TTC17: variants seen among roughly 807,000 people sequenced by gnomAD.
The protein encoded by TTC17 is tetratricopeptide repeat protein 17.
TTC17 carries 58 observed loss-of-function variants against 143.8 expected under a neutral mutation model. The observed-to-expected ratio is 0.40, with a 90% CI of 0.33 to 0.50. The LOEUF is 0.50. TTC17 is among the 20% of genes least tolerant of loss of function. TTC17 has a pLI of 0.49. For missense variants in TTC17, 1,273 were observed against 1,392.5 expected (o/e 0.91, Z 1.37); for synonymous variants, 501 against 497.8 (o/e 1.01, Z -0.09).
chr11:43,373,189 A>G (rs1243659036), intron 1 of TTC17, among the ~76,000 whole-genome samples: 1 of 152,168 alleles, frequency 6.6e-6, no homozygotes, highest in Admixed American at 6.5e-5. Context: ...ATTCTAAAAA[A>G]GATTTTCTTA....
At chr11:43,370,269 C>G in intron 1 of TTC17, 1 of 297,464 alleles carries the variant, frequency 3.4e-6, no homozygotes, top group Non-Finnish European at 6.7e-6. Context: ...CTGTGAAACT[C>G]ATCTTGCTTG....
intron 5 of TTC17, chr11:43,395,446 A>G (rs1422511613): frequency 6.6e-6 from 1 of 152,202 alleles, no homozygotes; most frequent in African/African-American, 2.4e-5. Context: ...TTACATTATA[A>G]TGTGAAAATA....
chr11:43,403,539 T>G (rs931470109), intron 10 of TTC17, among the ~76,000 whole-genome samples: 2 of 152,166 alleles, frequency 1.3e-5, no homozygotes, highest in Admixed American at 1.3e-4. Context: ...TGTAATTGAT[T>G]GCACAACAGT....
intron 21 of TTC17, among the ~76,000 whole-genome samples, chr11:43,483,667 A>G (rs190918458): frequency 1.0e-3 from 153 of 152,326 alleles, no homozygotes; most frequent in African/African-American, 3.5e-3. Flanking sequence ...ACCCATTTAT[A>G]ATGTAAAACT....
At position 43,405,788 on chromosome 11, in the gene TTC17, T is replaced by C; in HGVS notation, c.1598T>C (p.Ile533Thr). The C allele has an allele frequency of 6.2e-7, 1 of 1,613,544 alleles. No individual in the cohort carries two copies. Among genetic ancestry groups the C allele is most frequent in the South Asian group, 1.1e-5 (1 of 90,966 alleles). Reference sequence around the variant, plus strand: ...CTTGTTCCTTTTTCTTGTGCCAGGATCCACGAACTCAGCAGTGATGATTAT... The same window carrying C: ...CTTGTTCCTTTTTCTTGTGCCAGGACCCACGAACTCAGCAGTGATGATTAT... ...FLPPENKGLR[I>T]HELSSDDYST... Residue 533 changes from isoleucine to threonine, a missense_variant and splice_region_variant, in exon 13 of 24, where the codon ATC (isoleucine) becomes ACC (threonine). Transcript: ENST00000039989.
At chr11:43,389,850 A>G in intron 3 of TTC17, 29 bp downstream of exon 3, 1 of 1,551,736 alleles carries the variant, frequency 6.4e-7, no homozygotes, top group Non-Finnish European at 8.7e-7. Flanking sequence ...CAAAAATAAA[A>G]TTGCTGTTTC....
chr11:43,368,058 C>T (rs965771239), intron 1 of TTC17, among the ~76,000 whole-genome samples: 1 of 152,218 alleles, frequency 6.6e-6, no homozygotes, highest in Non-Finnish European at 1.5e-5. Flanking sequence ...ATAGCTCTTA[C>T]ATGCATTAGC....
In TTC17 at chr11:43,453,910, T is replaced by A. The variant is rs148392630; in HGVS notation, c.3030+2645T>A. On this transcript the variant is annotated intron_variant, in intron 21 of 23. Coordinates refer to ENST00000039989, the MANE Select transcript of TTC17 (RefSeq NM_018259.6). ...ATTAGCCTACAGTTGGGTAAAATCATCTGGCAGCACAGTATATTATAGAGT... is the reference window on the plus strand; with the variant it reads ...ATTAGCCTACAGTTGGGTAAAATCAACTGGCAGCACAGTATATTATAGAGT... Among the ~76,000 whole-genome samples the A allele has an allele frequency of 8.1e-4, 123 of 152,338 alleles. 4 individuals are homozygous for A. The East Asian group carries it at 0.022, about 27-fold the overall frequency.
intron 21 of TTC17, among the ~76,000 whole-genome samples, chr11:43,487,595 G>A (rs770934216): frequency 6.6e-6 from 1 of 152,222 alleles, no homozygotes; most frequent in Non-Finnish European, 1.5e-5. Context: ...CATTATTTGA[G>A]GAAAGAATAA....
intron 21 of TTC17, among the ~76,000 whole-genome samples, chr11:43,483,128 CAAGAACAAA>C (rs1308558955): frequency 6.6e-6 from 1 of 151,878 alleles, no homozygotes; most frequent in East Asian, 1.9e-4. Context: ...TAAACTGATT[CAAGAACAAA>C]AAGAAAACCT....
intron 2 of TTC17, among the ~76,000 whole-genome samples, chr11:43,381,701 G>C (rs981605717): frequency 6.6e-6 from 1 of 152,106 alleles, no homozygotes; most frequent in Admixed American, 6.5e-5. Flanking sequence ...AAAATTGGAA[G>C]GTCTGATTCT....
At chr11:43,439,943 A>G (rs1947379398) in intron 16 of TTC17, among the ~76,000 whole-genome samples, 1 of 152,150 alleles carries the variant, frequency 6.6e-6, no homozygotes, top group Non-Finnish European at 1.5e-5. Flanking sequence ...CCAACTTCAC[A>G]ATATTTATTC....
At chr11:43,417,917 T>G (rs1946812984) in intron 16 of TTC17, among the ~76,000 whole-genome samples, 1 of 152,244 alleles carries the variant, frequency 6.6e-6, no homozygotes, top group South Asian at 2.1e-4. Flanking sequence ...TTAAATAGTA[T>G]GACCTGGTGG....
intron 1 of TTC17, among the ~76,000 whole-genome samples, chr11:43,369,516 AG>A (rs1208748358): frequency 1.3e-5 from 2 of 152,168 alleles, no homozygotes; most frequent in Non-Finnish European, 2.9e-5. Context: ...GTGATAGTCA[AG>A]GTTTAGCATG....
intron 21 of TTC17, among the ~76,000 whole-genome samples, chr11:43,485,660 A>T (rs1311324074): frequency 2.0e-5 from 3 of 152,168 alleles, no homozygotes; most frequent in African/African-American, 7.2e-5. Flanking sequence ...CAGGCATTTC[A>T]CAGAAGTGAT....
intron 5 of TTC17, among the ~76,000 whole-genome samples, chr11:43,395,708 G>A (rs930413947): frequency 1.2e-4 from 19 of 152,154 alleles, no homozygotes; most frequent in Non-Finnish European, 2.4e-4. Context: ...TGTACTTATT[G>A]TAGTCTTAAA....
chr11:43,472,209 C>T (rs1222449065), intron 21 of TTC17, among the ~76,000 whole-genome samples: 1 of 151,968 alleles, frequency 6.6e-6, no homozygotes, highest in Non-Finnish European at 1.5e-5. Flanking sequence ...AACAAACCAA[C>T]CTAGCCAAGC....
chr11:43,485,883 G>GTTT (rs751026290), intron 21 of TTC17, among the ~76,000 whole-genome samples: 13 of 112,610 alleles, frequency 1.2e-4, no homozygotes, highest in Non-Finnish European at 1.4e-4. Flanking sequence ...TTGGTTTTTT[G>GTTT]TTTTTTTTTT....
chr11:43,380,578 C>T (rs1227393887), intron 2 of TTC17, among the ~76,000 whole-genome samples: 1 of 152,166 alleles, frequency 6.6e-6, no homozygotes, highest in Non-Finnish European at 1.5e-5. Flanking sequence ...CCTGTTAAGC[C>T]AAGTTGGCAT....
Sources: gnomAD v4.1 joint callset for allele counts (sites outside exome capture counted in the v4.1 genomes callset) on GRCh38, gnomAD v4.1.1 for gene constraint, MANE v1.5 for transcripts, NCBI Gene and HGNC (gene_info 2026-07-23, HGNC 2026-07-21) for gene names.